Variants in ZC3H12B observed in about 807,000 individuals in gnomAD.
ZC3H12B encodes probable ribonuclease ZC3H12B.
Under a neutral mutation model 43.9 loss-of-function variants are expected in ZC3H12B, and 7 were observed. The observed-to-expected ratio is 0.16, with a 90% CI of 0.09 to 0.30. The LOEUF (loss-of-function observed/expected upper bound fraction) is 0.30. ZC3H12B is among the 10% of genes least tolerant of loss of function. ZC3H12B has a pLI of 1.00. For missense variants in ZC3H12B, 475 were observed against 670.2 expected, an observed-to-expected ratio of 0.71 and a Z score of 3.22; for synonymous variants, 222 against 241.7, an observed-to-expected ratio of 0.92 and a Z score of 0.76.
intron 2 of ZC3H12B, among the ~76,000 whole-genome samples, chrX:65,379,506 A>G (rs2066404045): frequency 8.9e-6 from 1 of 112,258 alleles, no homozygotes; most frequent in Admixed American, 9.5e-5. Flanking sequence ...AAAGATAGGG[A>G]AAAAACAGAG....
chrX:65,067,307 C>G, the ZC3H12B span, among the ~76,000 whole-genome samples: 1 of 111,911 alleles, frequency 8.9e-6, no homozygotes, highest in African/African-American at 3.3e-5. Flanking sequence ...CTGCAGGTTG[C>G]AAAAACCGTG....
exon 5 of ZC3H12B, chrX:65,507,676 G>T: frequency 8.9e-6 from 1 of 111,841 alleles, no homozygotes; most frequent in Non-Finnish European, 1.9e-5. Context: ...AAGTTAACCA[G>T]AGGTGAGTGA....
At chrX:65,086,050 T>A in the ZC3H12B span, among the ~76,000 whole-genome samples, 1 of 109,040 alleles carries the variant, frequency 9.2e-6, no homozygotes, top group Admixed American at 9.7e-5. Flanking sequence ...TAATGTCTTT[T>A]TTTTTTTTTT....
the ZC3H12B span, among the ~76,000 whole-genome samples, chrX:65,068,105 C>CTTTTTTT: frequency 1.6e-5 from 1 of 60,810 alleles, no homozygotes; most frequent in Non-Finnish European, 3.0e-5. Context: ...CTTGATGTTA[C>CTTTTTTT]TTTTTTTTTT....
At chrX:65,253,340 C>T in the ZC3H12B span, among the ~76,000 whole-genome samples, 2 of 112,214 alleles carry the variant, frequency 1.8e-5, no homozygotes, top group Non-Finnish European at 3.8e-5. Flanking sequence ...CGGGGAGCAA[C>T]CTTCTCTCAC....
chrX:65,066,661 C>T, the ZC3H12B span, among the ~76,000 whole-genome samples: 2 of 111,892 alleles, frequency 1.8e-5, no homozygotes, highest in South Asian at 7.5e-4. Flanking sequence ...TAGCACAGCT[C>T]GAGTGCTGTG....
At chrX:65,220,999 C>T in the ZC3H12B span, among the ~76,000 whole-genome samples, 2 of 111,671 alleles carry the variant, frequency 1.8e-5, no homozygotes, top group East Asian at 2.8e-4. Flanking sequence ...ATATCAAGTA[C>T]TCTTTCAGAC....
At chrX:65,470,191 T>C (rs1408889150) in intron 3 of ZC3H12B, 1 of 120,025 alleles carries the variant, frequency 8.3e-6, no homozygotes, top group African/African-American at 3.3e-5. Context: ...TGAGCCTACT[T>C]TGGCCTCCCT....
chrX:65,158,929 C>A, the ZC3H12B span, among the ~76,000 whole-genome samples: 1 of 111,531 alleles, frequency 9.0e-6, no homozygotes, highest in Non-Finnish European at 1.9e-5. Flanking sequence ...GTCTTTAATC[C>A]ATCTTGAATA....
the ZC3H12B span, among the ~76,000 whole-genome samples, chrX:65,291,067 A>T: frequency 9.0e-6 from 1 of 111,337 alleles, no homozygotes; most frequent in African/African-American, 3.3e-5. Flanking sequence ...ATTTGAACAA[A>T]TTAAAATATA....
the ZC3H12B span, among the ~76,000 whole-genome samples, chrX:65,126,828 C>A: frequency 9.3e-6 from 1 of 107,086 alleles, no homozygotes; most frequent in Non-Finnish European, 1.9e-5. Context: ...CAAAGTGTGT[C>A]CTTGATTTCC....
chrX:65,240,753 T>C, the ZC3H12B span, among the ~76,000 whole-genome samples: 1 of 112,437 alleles, frequency 8.9e-6, no homozygotes, highest in Non-Finnish European at 1.9e-5. Flanking sequence ...GGGATATTTG[T>C]AGCGGTTTTT....
the ZC3H12B span, among the ~76,000 whole-genome samples, chrX:65,335,807 A>G: frequency 8.9e-6 from 1 of 112,027 alleles, no homozygotes; most frequent in African/African-American, 3.2e-5. Context: ...TAATTACGAC[A>G]TGAACCCCAA....
At chrX:65,267,480 A>T in the ZC3H12B span, among the ~76,000 whole-genome samples, 3 of 111,057 alleles carry the variant, frequency 2.7e-5, no homozygotes, top group African/African-American at 3.3e-5. Flanking sequence ...TGCAAAAAAA[A>T]AATATGGTCT....
intron 3 of ZC3H12B, among the ~76,000 whole-genome samples, chrX:65,467,550 C>T (rs910469038): frequency 8.9e-6 from 1 of 112,128 alleles, no homozygotes; most frequent in Non-Finnish European, 1.9e-5. Context: ...AGAGATTGTA[C>T]TATTTACATT....
chrX:65,159,813 G>A, the ZC3H12B span, among the ~76,000 whole-genome samples: 1 of 111,831 alleles, frequency 8.9e-6, no homozygotes, highest in South Asian at 3.7e-4. Flanking sequence ...AAGAGGAGTG[G>A]TGAGAGAGGG....
At chrX:65,408,324 T>A in intron 3 of ZC3H12B, 1 of 1,199,871 alleles carries the variant, frequency 8.3e-7, no homozygotes, top group Non-Finnish European at 1.1e-6. Flanking sequence ...CAGACTGAAA[T>A]CGCCAAGAGA....
the ZC3H12B span, among the ~76,000 whole-genome samples, chrX:65,259,733 AG>A: frequency 5.3e-5 from 6 of 112,237 alleles, no homozygotes; most frequent in African/African-American, 1.9e-4. Context: ...ATCTACCCAA[AG>A]GAAAAGAAGT....
the ZC3H12B span, among the ~76,000 whole-genome samples, chrX:65,269,313 C>G: frequency 9.2e-6 from 1 of 108,109 alleles, no homozygotes; most frequent in Non-Finnish European, 1.9e-5. Context: ...CCACTGCACT[C>G]CAGCCTGGCG....
Sources: allele counts gnomAD v4.1 joint callset (sites outside exome capture counted in the v4.1 genomes callset), GRCh38; gene constraint gnomAD v4.1.1; transcripts MANE v1.5; gene names NCBI Gene and HGNC (gene_info 2026-07-23, HGNC 2026-07-21).